The following ZNF439 variants were observed in gnomAD, a reference collection of about 807,000 sequenced individuals.
ZNF439 encodes the protein zinc finger protein 439.
In ZNF439, 40 loss-of-function variants were observed where a neutral mutation model predicts 47.3. That is an observed-to-expected ratio of 0.85 (90% confidence interval 0.66 to 1.10). ZNF439 has a LOEUF of 1.10. Ranked by LOEUF, ZNF439 falls within the 50% of genes least tolerant of loss-of-function variation. The probability of loss-of-function intolerance (pLI) is 0.00; values close to 1 mark genes in which losing one functional copy is unlikely to be tolerated. For missense variants in ZNF439, 556 were observed against 601.1 expected (o/e 0.93, Z 0.78); for synonymous variants, 171 against 198.8 (o/e 0.86, Z 1.18).
chr19:11,855,518 G>C (rs1976361877), intron 1 of ZNF439, among the ~76,000 whole-genome samples: 1 of 152,106 alleles, frequency 6.6e-6, no homozygotes, highest in Non-Finnish European at 1.5e-5. Flanking sequence ...ATACACAAAG[G>C]GAGTCCTTCT....
intron 1 of ZNF439, among the ~76,000 whole-genome samples, chr19:11,853,374 C>T (rs2145157028): frequency 6.6e-6 from 1 of 152,252 alleles, no homozygotes; most frequent in East Asian, 1.9e-4. Context: ...GGTCAGGGGG[C>T]TTCTTGCTTG....
In ZNF439 at chr19:11,860,671, C is replaced by A. The variant is rs908026562; in HGVS notation, c.64-5534C>A. Among the ~76,000 whole-genome samples the A allele has an allele frequency of 5.3e-5, 8 of 152,188 alleles. No homozygotes were observed. The South Asian group carries it at 1.4e-3, about 28-fold the overall frequency. On this transcript the variant is annotated intron_variant, in intron 1 of 3. Coordinates refer to ENST00000682736, the MANE Select transcript of ZNF439 (RefSeq NM_001348719.2). Reference sequence around the variant, plus strand: ...TCGGGGGCACCTTGCTTCTAGTGAACAAGGGCCCTGAGCTTCTAGTGCCCT... The same window carrying A: ...TCGGGGGCACCTTGCTTCTAGTGAAAAAGGGCCCTGAGCTTCTAGTGCCCT...
chr19:11,863,670 T>C (rs978464323), intron 1 of ZNF439, among the ~76,000 whole-genome samples: 9 of 152,182 alleles, frequency 5.9e-5, no homozygotes, highest in African/African-American at 1.9e-4. Flanking sequence ...TCACAGATCA[T>C]GTTTTTTGTG....
rs1302590209 is a variant in ZNF439 at position 11,866,543 on chromosome 19, A to G, written c.197A>G (p.Lys66Arg). ...TTCTGTGTTTGTATTTTAGGAAAAA[A>G]GTGGAAAGACCAGAACATTGAATAT... ...TFWNLTSIGK[K>R]WKDQNIEYEY... Residue 66 changes from lysine (K) to arginine (R), a missense_variant, in exon 3 of 4, where the codon AAG (lysine) becomes AGG (arginine). Physicochemically the swap from Lys to Arg is conservative, Grantham distance 26 (BLOSUM62 2). Transcript: ENST00000682736. The G allele has an allele frequency of 8.1e-6, 13 of 1,613,082 alleles. No individual in the cohort carries two copies. The highest frequency in any genetic ancestry group is 1.3e-5 in the African/African-American group (1 of 74,880).
In ZNF439 at chr19:11,866,540, A is replaced by G; in HGVS notation, c.194A>G (p.Lys65Arg). ...ETFWNLTSIG[K>R]KWKDQNIEYE... ...TTTTTCTGTGTTTGTATTTTAGGAA[A>G]AAAGTGGAAAGACCAGAACATTGAA... The change falls in exon 3 of 4, where the codon AAA becomes AGA. Residue 65 changes from lysine (K) to arginine (R), a missense_variant. Lys to Arg is a conservative substitution (Grantham distance 26). Transcript: ENST00000682736. 1 of 1,613,184 alleles carries G rather than the reference A, an allele frequency of 6.2e-7. No individual in the cohort carries two copies. Among genetic ancestry groups the G allele is most frequent in the Admixed American group, 1.7e-5 (1 of 59,880 alleles).
Position 11,848,774 on chromosome 19 carries a change from T to C in ZNF439, c.-94T>C. 7.5e-7 allele frequency: 1 copy of C among 1,328,402 alleles called. No homozygotes were observed. Among genetic ancestry groups the C allele is most frequent in the Non-Finnish European group, 9.8e-7 (1 of 1,017,542 alleles). 82.3% of individuals were successfully genotyped at this position (1,328,402 alleles called of 1,614,324 possible). On this transcript the variant is annotated 5_prime_UTR_variant, in exon 1 of 4. Transcript: ENST00000682736. ...TGTTGCATTCCTGCCGTCACCTTTG[T>C]CGCTGCGAGGGCGGCGGTTGGGATC...
Position 11,863,152 on chromosome 19 carries a change from C to CTTT in ZNF439, c.64-3034_64-3032dup, listed in dbSNP as rs34655587. Among the ~76,000 whole-genome samples the CTTT allele has an allele frequency of 3.5e-3, 316 of 90,058 alleles. 6 individuals are homozygous for CTTT. The highest frequency in any genetic ancestry group is 5.0e-3 in the Non-Finnish European group (227 of 45,592). The allele number at this position is 90,058 out of a possible 152,430, so 59.1% of individuals were successfully genotyped here. Reference sequence around the variant, plus strand: ...GAGAGGTATGCTTGGAAAGATTTTGCTTTTTTTTTTTTTTTTTTTTTGAGT... The same window carrying CTTT: ...GAGAGGTATGCTTGGAAAGATTTTGCTTTTTTTTTTTTTTTTTTTTTTTTGAGT... On this transcript the variant is annotated intron_variant, in intron 1 of 3. Transcript: ENST00000682736.
intron 1 of ZNF439, chr19:11,856,121 CTT>C (rs1976379709): frequency 6.6e-6 from 1 of 152,230 alleles, no homozygotes; most frequent in Non-Finnish European, 1.5e-5. Context: ...TTCAGATAAA[CTT>C]TCCTCTTTTC....
intron 1 of ZNF439, among the ~76,000 whole-genome samples, chr19:11,864,590 C>T (rs1187155517): frequency 6.6e-6 from 1 of 152,166 alleles, no homozygotes; most frequent in South Asian, 2.1e-4. Flanking sequence ...AGCCAACACG[C>T]CTGGCTGCTA....
intron 1 of ZNF439, among the ~76,000 whole-genome samples, chr19:11,864,336 C>T (rs985883825): frequency 6.6e-6 from 1 of 152,196 alleles, no homozygotes; most frequent in East Asian, 1.9e-4. Context: ...CTCACTCTGT[C>T]GCCCAGGCTA....
rs760474466 is a variant in ZNF439, at chr19:11,867,958, G to C, written c.904G>C (p.Ala302Pro). ...TGAAAGGAGTCACATGGGAGAGAAG[G>C]CTTATCAATGTAAGGAATGTGGAAA... ...RHERSHMGEK[A>P]YQCKECGKAF... The change falls in exon 4 of 4, where the codon GCT (alanine) becomes CCT (proline). Residue 302 changes from alanine to proline, a missense_variant. Ala to Pro is a conservative substitution (Grantham distance 27). Coordinates refer to ENST00000682736, the MANE Select transcript of ZNF439 (RefSeq NM_001348719.2). The C allele has an allele frequency of 6.2e-7, 1 of 1,614,008 alleles. No homozygotes were observed. The highest frequency in any genetic ancestry group is 2.2e-5 in the East Asian group (1 of 44,848).
intron 1 of ZNF439, 79 bp from the exon 2 acceptor site, chr19:11,866,126 G>T: frequency 6.3e-7 from 1 of 1,593,260 alleles, no homozygotes; most frequent in Non-Finnish European, 8.5e-7. Flanking sequence ...GGCATCCTGA[G>T]AACTTCTTGG....
In ZNF439 at chr19:11,866,206, A is replaced by G. The variant is rs771233558; in HGVS notation, c.65A>G (p.Asp22Gly). 9.3e-6 allele frequency: 15 copies of G among 1,613,992 alleles called. No homozygotes were observed. The highest frequency in any genetic ancestry group is 1.3e-5 in the Non-Finnish European group (15 of 1,180,022). The change falls in exon 2 of 4, where the codon GAC becomes GGC. Residue 22 changes from aspartate (D) to glycine (G), a missense_variant and splice_region_variant. By Grantham distance (94) the Asp-to-Gly change is moderately conservative (BLOSUM62 -1). Coordinates refer to ENST00000682736, the MANE Select transcript of ZNF439 (RefSeq NM_001348719.2). The part of the protein sequence containing the change: ...DPGTSESREM[D>G]PVAFKDVAVN... ...CTCTACACATGTGAGATGTTTCAGG[A>G]CCCAGTGGCTTTTAAGGATGTGGCT...
intron 1 of ZNF439, among the ~76,000 whole-genome samples, chr19:11,851,403 C>G (rs1976236521): frequency 6.6e-6 from 1 of 152,140 alleles, no homozygotes; most frequent in Non-Finnish European, 1.5e-5. Context: ...GGTATTGGGA[C>G]ATCGGGACAT....
Position 11,867,974 on chromosome 19 carries a change from A to T in ZNF439, c.920A>T (p.Glu307Val). The T allele has an allele frequency of 1.2e-6, 2 of 1,614,186 alleles. No homozygotes were observed. The highest frequency in any genetic ancestry group is 1.7e-6 in the Non-Finnish European group (2 of 1,180,032). ...HMGEKAYQCK[E>V]CGKAFMCPRY... ...GGAGAGAAGGCTTATCAATGTAAGG[A>T]ATGTGGAAAAGCATTCATGTGTCCC... Residue 307 changes from glutamate to valine, a missense_variant, in exon 4 of 4, where the codon GAA becomes GTA. Coordinates refer to ENST00000682736, the MANE Select transcript of ZNF439 (RefSeq NM_001348719.2).
rs375119598 is a variant in ZNF439 at position 11,868,372 on chromosome 19, G to A, written c.1318G>A (p.Glu440Lys). The stretch of plus-strand genomic sequence containing the variant: ...ATTGCATGGTAGGACTCACACTGGA[G>A]AGAAACCGTATCAATGTAAGGAATG... ...LQLHGRTHTG[E>K]KPYQCKECGK... Residue 440 changes from glutamate (E) to lysine (K), a missense_variant, in exon 4 of 4, where the codon GAG becomes AAG. Coordinates refer to ENST00000682736, the MANE Select transcript of ZNF439 (RefSeq NM_001348719.2). The A allele has an allele frequency of 1.2e-6, 2 of 1,605,820 alleles. No individual in the cohort carries two copies. The highest frequency in any genetic ancestry group is 2.7e-5 in the African/African-American group (2 of 74,700).
intron 1 of ZNF439, among the ~76,000 whole-genome samples, chr19:11,863,498 T>G (rs1222044246): frequency 3.3e-5 from 5 of 152,136 alleles, no homozygotes; most frequent in Non-Finnish European, 7.4e-5. Flanking sequence ...TCTTATAGAA[T>G]TCTAGGAGTT....
At chr19:11,860,699 G>A (rs887394852) in intron 1 of ZNF439, among the ~76,000 whole-genome samples, 3 of 152,150 alleles carry the variant, frequency 2.0e-5, no homozygotes, top group African/African-American at 4.8e-5. Flanking sequence ...AGTGCCCTTC[G>A]TATTTATTGA....
At chr19:11,849,256 G>T in intron 1 of ZNF439, 1 of 1,023,960 alleles carries the variant, frequency 9.8e-7, no homozygotes, top group Non-Finnish European at 1.2e-6. Flanking sequence ...TCCGTAGGAG[G>T]AGCAGCGGTC....
Sources: gnomAD v4.1 joint callset for allele counts (sites outside exome capture counted in the v4.1 genomes callset) on GRCh38, gnomAD v4.1.1 for gene constraint, MANE v1.5 for transcripts, NCBI Gene and HGNC (gene_info 2026-07-23, HGNC 2026-07-21) for gene names.